DAW1: variants seen among roughly 807,000 people sequenced by gnomAD.
DAW1 encodes the protein dynein assembly factor with WD repeats 1, also known as dynein assembly factor with WD repeat domains 1.
Under a neutral mutation model 56.5 loss-of-function variants are expected in DAW1, and 47 were observed. That is an observed-to-expected ratio of 0.83 (90% CI 0.66 to 1.06). DAW1 has a LOEUF of 1.06. Among genes scored for constraint, DAW1 ranks in the 50% least tolerant of loss-of-function variants. The pLI is 0.00. For synonymous variants in DAW1, 190 were observed against 179.0 expected (o/e 1.06, Z -0.49); for missense variants, 505 against 499.3 (o/e 1.01, Z -0.11).
intron 1 of DAW1, among the ~76,000 whole-genome samples, chr2:227,884,159 T>G (rs964710595): frequency 9.2e-5 from 14 of 152,188 alleles, no homozygotes; most frequent in Admixed American, 2.0e-4. Context: ...AGCAAGTTTT[T>G]TATTTTCATT....
At chr2:227,916,689 T>C (rs374036355) in intron 10 of DAW1, among the ~76,000 whole-genome samples, 9 of 152,210 alleles carry the variant, frequency 5.9e-5, no homozygotes, top group South Asian at 2.1e-4. Flanking sequence ...AGTCCACATA[T>C]GACCTGTGAA....
At chr2:227,882,402 A>G (rs1048503074) in intron 1 of DAW1, among the ~76,000 whole-genome samples, 1 of 152,208 alleles carries the variant, frequency 6.6e-6, no homozygotes, top group African/African-American at 2.4e-5. Flanking sequence ...TGGTCACTGT[A>G]TTTATTCTTC....
intron 1 of DAW1, chr2:227,876,312 GC>G (rs1044068036): frequency 5.5e-5 from 40 of 729,370 alleles, no homozygotes; most frequent in Non-Finnish European, 7.5e-5. Context: ...GAGCCACTGT[GC>G]CCGGCCAAGC....
intron 11 of DAW1, among the ~76,000 whole-genome samples, chr2:227,919,884 AACTCCGCCCCAGGCTGT>A (rs1692063264): frequency 6.6e-6 from 1 of 152,146 alleles, no homozygotes; most frequent in Non-Finnish European, 1.5e-5. Flanking sequence ...TAGACCCTGG[AACTCCGCCCCAGGCTGT>A]ACTCTCGGCC....
Position 227,924,290 on chromosome 2 carries a change from T to C in DAW1, c.*322T>C, listed in dbSNP as rs1692174461. ...ACAACTTAACAACGTGTCTCCTGGA[T>C]TTTACTTTGAAGCCTATTGTTATAA... On this transcript the variant is annotated 3_prime_UTR_variant, in exon 13 of 13. Transcript: ENST00000309931. 1 of 327,260 alleles carries C rather than the reference T, an allele frequency of 3.1e-6. No homozygotes were observed. Among genetic ancestry groups the C allele is most frequent in the Non-Finnish European group, 5.6e-6 (1 of 177,630 alleles). 20.3% of individuals were successfully genotyped at this position (327,260 alleles called of 1,614,324 possible).
intron 12 of DAW1, among the ~76,000 whole-genome samples, chr2:227,923,022 T>C (rs1293846792): frequency 6.6e-6 from 1 of 152,160 alleles, no homozygotes; most frequent in Non-Finnish European, 1.5e-5. Flanking sequence ...CAGAAGACCC[T>C]GGAGAGTTTA....
In DAW1 at chr2:227,918,843, G is replaced by A. The variant is rs779875084; in HGVS notation, c.1037G>A (p.Gly346Asp). 3 of 1,613,934 alleles carry A rather than the reference G, an allele frequency of 1.9e-6. No individual in the cohort carries two copies. The highest frequency in any genetic ancestry group is 2.2e-5 in the East Asian group (1 of 44,886). Residue 346 changes from glycine (G) to aspartate (D), a missense_variant, in exon 11 of 13, where the codon GGT (glycine) becomes GAT (aspartate). Coordinates refer to ENST00000309931, the MANE Select transcript of DAW1 (RefSeq NM_178821.3). ...KCIAKLEGHEGEISKISFNPQ... is the reference protein window; with the variant it reads ...KCIAKLEGHEDEISKISFNPQ... ...ATTGCCAAACTGGAAGGTCATGAAGGTGAAATTTCAAAGGTGAGTCGCTTT... is the reference window on the plus strand; with the variant it reads ...ATTGCCAAACTGGAAGGTCATGAAGATGAAATTTCAAAGGTGAGTCGCTTT...
At chr2:227,910,524 A>ACC (rs1553603540) in intron 10 of DAW1, among the ~76,000 whole-genome samples, 1 of 150,200 alleles carries the variant, frequency 6.7e-6, no homozygotes, top group African/African-American at 2.4e-5. Flanking sequence ...ACACACACAC[A>ACC]CCCCTCATAT....
At chr2:227,886,374 T>C (rs1055031559) in intron 2 of DAW1, among the ~76,000 whole-genome samples, 1 of 152,138 alleles carries the variant, frequency 6.6e-6, no homozygotes, top group Non-Finnish European at 1.5e-5. Flanking sequence ...TTCAGCACTT[T>C]AGGAGGCCGA....
At chr2:227,873,372 TG>T (rs1690802081) in intron 1 of DAW1, among the ~76,000 whole-genome samples, 1 of 152,232 alleles carries the variant, frequency 6.6e-6, no homozygotes, top group Non-Finnish European at 1.5e-5. Flanking sequence ...TAGTGTGGTT[TG>T]ATCATTGTAG....
intron 2 of DAW1, among the ~76,000 whole-genome samples, chr2:227,888,317 T>G (rs1916803): frequency 0.53 from 80,717 of 152,030 alleles, 21,709 homozygotes; most frequent in Admixed American, 0.62. Context: ...TTCATGGGAA[T>G]TGGATACTGA....
At chr2:227,904,818 C>T (rs1187844573) in intron 7 of DAW1, 111 bp from the exon 8 acceptor site, 10 of 993,572 alleles carry the variant, frequency 1.0e-5, no homozygotes, top group African/African-American at 3.3e-5. Flanking sequence ...CGCTGACCTC[C>T]GTTCCTAGAG....
chr2:227,896,403 G>C (rs900192062), intron 5 of DAW1, among the ~76,000 whole-genome samples: 1 of 152,108 alleles, frequency 6.6e-6, no homozygotes, highest in Non-Finnish European at 1.5e-5. Context: ...TCTTGTTGGG[G>C]AGGTGAGGGA....
At chr2:227,898,302 A>G in intron 6 of DAW1, 21 bp downstream of exon 6, 1 of 1,277,068 alleles carries the variant, frequency 7.8e-7, no homozygotes, top group Non-Finnish European at 1.0e-6. Flanking sequence ...TTAACAATTT[A>G]TTATTATTTT....
chr2:227,915,198 T>A (rs1691923912), intron 10 of DAW1, among the ~76,000 whole-genome samples: 1 of 152,114 alleles, frequency 6.6e-6, no homozygotes, highest in African/African-American at 2.4e-5. Context: ...TCATGTTGTG[T>A]AGTGATGTAA....
At position 227,917,112 on chromosome 2, in the gene DAW1, GTATCTATCTATCTATC is replaced by G. The variant is rs57043132; in HGVS notation, c.974-1650_974-1635del. 5.8e-3 allele frequency among the ~76,000 whole-genome samples: 863 copies of G among 148,536 alleles called. 6 individuals are homozygous for G. The highest frequency in any genetic ancestry group is 0.016 in the African/African-American group (627 of 40,012). On this transcript the variant is annotated intron_variant, in intron 10 of 12. Coordinates refer to ENST00000309931, the MANE Select transcript of DAW1 (RefSeq NM_178821.3). ...GTCTCCCTCATGACCATGCATGACA[GTATCTATCTATCTATC>G]TATCTATCTATCTATCTGTCTGTCT...
At chr2:227,894,331 G>A (rs1275533853) in intron 5 of DAW1, among the ~76,000 whole-genome samples, 1 of 152,034 alleles carries the variant, frequency 6.6e-6, no homozygotes, top group Admixed American at 6.6e-5. Context: ...CAGGGGAATC[G>A]CTTGAACCCA....
At chr2:227,873,355 A>AGATGTGTTCTCTTAGTGATG (rs1690801872) in intron 1 of DAW1, among the ~76,000 whole-genome samples, 1 of 152,210 alleles carries the variant, frequency 6.6e-6, no homozygotes, top group South Asian at 2.1e-4. Context: ...CGTGAGAACT[A>AGATGTGTTCTCTTAGTGATG]AGATCTTAGT....
intron 3 of DAW1, among the ~76,000 whole-genome samples, chr2:227,891,016 G>A (rs543708652): frequency 6.6e-6 from 1 of 152,246 alleles, no homozygotes; most frequent in Admixed American, 6.5e-5. Flanking sequence ...CATATTTAGT[G>A]TATTTCCTAC....
Sources: gnomAD v4.1 joint callset for allele counts (sites outside exome capture counted in the v4.1 genomes callset) on GRCh38, gnomAD v4.1.1 for gene constraint, MANE v1.5 for transcripts, NCBI Gene and HGNC (gene_info 2026-07-23, HGNC 2026-07-21) for gene names.